The following FNDC3A variants were observed in gnomAD, a reference collection of about 807,000 sequenced individuals.
FNDC3A encodes the protein fibronectin type III domain containing 3A, also known as fibronectin type-III domain-containing protein 3A.
FNDC3A carries 32 observed loss-of-function variants against 148.9 expected under a neutral mutation model. The ratio of observed to expected loss-of-function variants is 0.21; its 90% CI spans 0.16 to 0.29. The LOEUF (loss-of-function observed/expected upper bound fraction) is 0.29. FNDC3A is among the 10% of genes least tolerant of loss of function. The pLI is 1.00. For missense variants in FNDC3A, 1,191 were observed against 1,452.8 expected (o/e 0.82, Z 2.93); for synonymous variants, 472 against 473.6 (o/e 1.00, Z 0.04).
chr13:49,048,329 G>C (rs1410452767), intron 2 of FNDC3A, among the ~76,000 whole-genome samples: 5 of 151,938 alleles, frequency 3.3e-5, no homozygotes, highest in African/African-American at 9.7e-5. Context: ...GAAGAATGAT[G>C]GTGGTATTTT....
chr13:49,110,387 C>G, intron 3 of FNDC3A: 1 of 1,610,440 alleles, frequency 6.2e-7, no homozygotes, highest in Non-Finnish European at 8.5e-7. Context: ...TCTGCTGCTA[C>G]TGTAAAAACG....
rs181349260 is a variant in FNDC3A at position 49,175,946 on chromosome 13, C to T, written c.1530+405C>T. Among the ~76,000 whole-genome samples, 7 of 152,142 alleles carry T rather than the reference C, an allele frequency of 4.6e-5. No homozygotes were observed. In the East Asian group the frequency reaches 1.2e-3, roughly 25 times the overall value. ...TATCAAAGGCCTTTTCTGCATCTAT[C>T]GAGATAATCATGTGGTTTTTGTCAT... On this transcript the variant is annotated intron_variant, in intron 13 of 25. Coordinates refer to ENST00000492622, the MANE Select transcript of FNDC3A (RefSeq NM_001079673.2).
chr13:48,986,382 G>GTT (rs1425213112), intron 1 of FNDC3A, among the ~76,000 whole-genome samples: 31 of 61,932 alleles, frequency 5.0e-4, no homozygotes, highest in Non-Finnish European at 7.6e-4. Context: ...GGAGAAGGAA[G>GTT]TTGTTTTTTT....
Position 49,122,037 on chromosome 13 carries a change from G to A in FNDC3A, c.252+7306G>A, listed in dbSNP as rs1340732917. On this transcript the variant is annotated intron_variant, in intron 4 of 25. Transcript: ENST00000492622. ...ATCCTGATACCAAAACCTTGCAGAAGTACAACAAAAAAAGAAAATTTCAGG... is the reference window on the plus strand; with the variant it reads ...ATCCTGATACCAAAACCTTGCAGAAATACAACAAAAAAAGAAAATTTCAGG... Among the ~76,000 whole-genome samples the A allele has an allele frequency of 6.6e-5, 10 of 151,912 alleles. 1 individual carries two copies. Among genetic ancestry groups the A allele is most frequent in the African/African-American group, 1.9e-4 (8 of 41,482 alleles).
intron 1 of FNDC3A, among the ~76,000 whole-genome samples, chr13:48,978,731 C>T (rs1169520563): frequency 2.0e-5 from 3 of 151,780 alleles, no homozygotes; most frequent in South Asian, 2.1e-4. Context: ...ATTGTAATTC[C>T]GAAGGTTTAG....
intron 2 of FNDC3A, among the ~76,000 whole-genome samples, chr13:49,013,066 A>T (rs1192356899): frequency 1.3e-5 from 2 of 152,160 alleles, no homozygotes; most frequent in Admixed American, 1.3e-4. Context: ...CAGTAATCCC[A>T]GCATTTTGGG....
At chr13:49,151,843 C>A (rs762973776) in intron 8 of FNDC3A, among the ~76,000 whole-genome samples, 1 of 152,094 alleles carries the variant, frequency 6.6e-6, no homozygotes, top group Non-Finnish European at 1.5e-5. Context: ...GTTTTCTGTC[C>A]TTGCGATAGT....
At chr13:49,080,340 T>A (rs1878389017) in intron 3 of FNDC3A, among the ~76,000 whole-genome samples, 1 of 152,174 alleles carries the variant, frequency 6.6e-6, no homozygotes, top group Admixed American at 6.5e-5. Context: ...TTTTGGTCAT[T>A]GGTTAGATCT....
chr13:49,072,426 T>C (rs568262079), intron 2 of FNDC3A, among the ~76,000 whole-genome samples: 7 of 152,306 alleles, frequency 4.6e-5, no homozygotes, highest in African/African-American at 1.4e-4. Context: ...TAGATTTATT[T>C]CTGGGTTCTC....
rs1178530274 is a variant in FNDC3A, at chr13:49,045,031, CTTTCCTTTCCCT to C, written c.100-30243_100-30232del. ...GGCTCTCATAAGATTTCTCCTTTCC[CTTTCCTTTCCCT>C]TTTCCTTTCCCTTTCCCTTTTCCTT... On this transcript the variant is annotated intron_variant, in intron 2 of 25. Transcript: ENST00000492622. 1,199 of 278,344 alleles carry C rather than the reference CTTTCCTTTCCCT, an allele frequency of 4.3e-3. 19 individuals carry two copies. The highest frequency in any genetic ancestry group is 0.027 in the African/African-American group (1,122 of 42,296). The allele number at this position is 278,344 out of a possible 1,614,324, so 17.2% of individuals were successfully genotyped here.
At chr13:49,009,200 A>G (rs529618766) in intron 2 of FNDC3A, among the ~76,000 whole-genome samples, 1 of 152,200 alleles carries the variant, frequency 6.6e-6, no homozygotes, top group South Asian at 2.1e-4. Flanking sequence ...ATAGTTTTGT[A>G]TTTTTAAGAA....
chr13:49,138,933 G>A (rs1882537634), intron 7 of FNDC3A, 128 bp downstream of exon 7: 2 of 466,884 alleles, frequency 4.3e-6, no homozygotes, highest in Non-Finnish European at 7.7e-6. Flanking sequence ...TCTGTGACAA[G>A]CTTTTTCACT....
At chr13:49,070,521 A>G (rs960543617) in intron 2 of FNDC3A, among the ~76,000 whole-genome samples, 22 of 152,208 alleles carry the variant, frequency 1.4e-4, no homozygotes, top group African/African-American at 5.3e-4. Flanking sequence ...CAATGATCAA[A>G]TTAGGATAAT....
chr13:49,127,120 G>A (rs1043092078), intron 4 of FNDC3A, among the ~76,000 whole-genome samples: 1 of 152,080 alleles, frequency 6.6e-6, no homozygotes, highest in Non-Finnish European at 1.5e-5. Context: ...GTCCAGACCC[G>A]GTTCCCCCAC....
chr13:49,143,024 C>A (rs1343522854), intron 7 of FNDC3A, among the ~76,000 whole-genome samples: 6 of 152,028 alleles, frequency 3.9e-5, no homozygotes, highest in Non-Finnish European at 8.8e-5. Flanking sequence ...TACACCACCA[C>A]GTCCAGATAA....
intron 9 of FNDC3A, among the ~76,000 whole-genome samples, chr13:49,168,343 A>G (rs960044388): frequency 9.2e-5 from 14 of 152,236 alleles, no homozygotes; most frequent in Non-Finnish European, 7.3e-5. Flanking sequence ...GCATCAGTGT[A>G]TTCCCCATAG....
chr13:48,999,497 A>G (rs969967578), intron 1 of FNDC3A, among the ~76,000 whole-genome samples: 1 of 152,170 alleles, frequency 6.6e-6, no homozygotes, highest in African/African-American at 2.4e-5. Context: ...TCTGATTTAG[A>G]TGATACTTAG....
intron 4 of FNDC3A, 85 bp downstream of exon 4, chr13:49,114,816 A>C (rs1880826580): frequency 1.0e-6 from 1 of 958,808 alleles, no homozygotes. Flanking sequence ...ATTTAAAAAA[A>C]CCATTTAATT....
chr13:49,188,500 T>C lies in FNDC3A; in HGVS notation c.1826-15T>C. On this transcript the variant is annotated splice_polypyrimidine_tract_variant and intron_variant, in intron 16 of 25. Transcript: ENST00000492622. ...TTACCTAGTATCTGATTGAACACAATTCCTCACCTTACAGGAAACAAATGG... is the reference window on the plus strand; with the variant it reads ...TTACCTAGTATCTGATTGAACACAACTCCTCACCTTACAGGAAACAAATGG... 1 of 1,528,648 alleles carries C rather than the reference T, an allele frequency of 6.5e-7. No individual in the cohort carries two copies. Among genetic ancestry groups the C allele is most frequent in the Non-Finnish European group, 9.1e-7 (1 of 1,102,238 alleles). The allele number at this position is 1,528,648 out of a possible 1,614,324, so 94.7% of individuals were successfully genotyped here. A position where few individuals can be genotyped will look rare whatever the true frequency, so the allele number is the denominator to read the frequency against.
Sources: gnomAD v4.1 joint callset for allele counts (sites outside exome capture counted in the v4.1 genomes callset) on GRCh38, gnomAD v4.1.1 for gene constraint, MANE v1.5 for transcripts, NCBI Gene and HGNC (gene_info 2026-07-23, HGNC 2026-07-21) for gene names.